Variants in DLC1 observed in about 807,000 individuals in gnomAD.
The protein encoded by DLC1 is rho GTPase-activating protein 7.
In DLC1, 54 loss-of-function variants were observed where a neutral mutation model predicts 140.3. The ratio of observed to expected loss-of-function variants is 0.38; its 90% CI spans 0.31 to 0.48. The LOEUF (loss-of-function observed/expected upper bound fraction) is 0.48, where lower values mean the gene tolerates loss of function less well. DLC1 is among the 20% of genes least tolerant of loss of function. DLC1 has a pLI of 0.96. For synonymous variants in DLC1, 986 were observed against 728.1 expected, an observed-to-expected ratio of 1.35 and a Z score of -5.70; for missense variants, 2,536 against 1,907.0, an observed-to-expected ratio of 1.33 and a Z score of -6.14.
rs568339483 is a variant in DLC1 at position 13,417,675 on chromosome 8, C to G, written c.1024-16056G>C. 1.9e-3 allele frequency among the ~76,000 whole-genome samples: 287 copies of G among 152,190 alleles called. 1 individual carries two copies. Among genetic ancestry groups the G allele is most frequent in the African/African-American group, 6.6e-3 (272 of 41,510 alleles). ...GAATAGTGCCGCAATAAACATACGT[C>G]TGCATGTGTCTTTATAGCAGCATGA... On this transcript the variant is annotated intron_variant, in intron 2 of 17. Transcript: ENST00000276297.
intron 1 of DLC1, among the ~76,000 whole-genome samples, chr8:13,589,061 G>A (rs1805427247): frequency 6.6e-6 from 1 of 152,020 alleles, no homozygotes; most frequent in East Asian, 1.9e-4. Flanking sequence ...TGGGTTGCTA[G>A]TGCACAGTGA....
chr8:13,122,076 A>AC (rs1239936177), intron 5 of DLC1, among the ~76,000 whole-genome samples: 1 of 151,568 alleles, frequency 6.6e-6, no homozygotes, highest in Non-Finnish European at 1.5e-5. Context: ...GATAAGCCTC[A>AC]CCCCTCCCTG....
intron 5 of DLC1, among the ~76,000 whole-genome samples, chr8:13,150,101 G>A (rs559023342): frequency 6.6e-6 from 1 of 152,054 alleles, no homozygotes; most frequent in African/African-American, 2.4e-5. Context: ...GCATATATGT[G>A]TGTATGTGCG....
At chr8:13,546,684 G>A (rs575054205) in intron 1 of DLC1, among the ~76,000 whole-genome samples, 1 of 152,122 alleles carries the variant, frequency 6.6e-6, no homozygotes, top group African/African-American at 2.4e-5. Flanking sequence ...CATAGAGAGT[G>A]ATGGTGAAAA....
intron 2 of DLC1, among the ~76,000 whole-genome samples, chr8:13,435,177 C>G (rs1839062902): frequency 6.6e-6 from 1 of 152,052 alleles, no homozygotes; most frequent in Non-Finnish European, 1.5e-5. Context: ...GAATTTGATT[C>G]CAATCCTCAT....
intron 1 of DLC1, among the ~76,000 whole-genome samples, chr8:13,568,650 A>G (rs1383634214): frequency 2.0e-5 from 3 of 152,200 alleles, no homozygotes; most frequent in Non-Finnish European, 4.4e-5. Context: ...GGCTAAGTAG[A>G]GAAAAATAAA....
intron 6 of DLC1, among the ~76,000 whole-genome samples, chr8:13,114,678 GAAT>G (rs762598419): frequency 6.6e-6 from 1 of 152,132 alleles, no homozygotes; most frequent in Non-Finnish European, 1.5e-5. Flanking sequence ...TTAGTATTTA[GAAT>G]AAAAAGAGCC....
chr8:13,250,191 C>G (rs1290659374), intron 5 of DLC1, among the ~76,000 whole-genome samples: 2 of 152,216 alleles, frequency 1.3e-5, no homozygotes, highest in African/African-American at 2.4e-5. Flanking sequence ...CCAAATGACT[C>G]TCCATTCATA....
chr8:13,214,310 A>G, intron 5 of DLC1: 3 of 242,518 alleles, frequency 1.2e-5, no homozygotes, highest in Non-Finnish European at 2.4e-5. Context: ...TAAATGACCA[A>G]TTTAGCATCC....
upstream of DLC1, among the ~76,000 whole-genome samples, chr8:13,519,486 T>A (rs1037213246): frequency 3.3e-5 from 5 of 152,132 alleles, no homozygotes; most frequent in African/African-American, 1.2e-4. Flanking sequence ...AGAAAAACCA[T>A]ATAATTTGTA....
At chr8:13,268,238 T>C (rs1011416609) in intron 5 of DLC1, among the ~76,000 whole-genome samples, 1 of 152,240 alleles carries the variant, frequency 6.6e-6, no homozygotes, top group African/African-American at 2.4e-5. Context: ...TACAACCTTA[T>C]AGCACTTTGG....
chr8:13,211,374 G>A (rs534413172), intron 5 of DLC1, among the ~76,000 whole-genome samples: 1 of 152,246 alleles, frequency 6.6e-6, no homozygotes, highest in East Asian at 1.9e-4. Context: ...ACTTTGCCTA[G>A]GGGTAGCCCT....
At chr8:13,362,018 G>A (rs1022913510) in intron 4 of DLC1, among the ~76,000 whole-genome samples, 1 of 152,188 alleles carries the variant, frequency 6.6e-6, no homozygotes, top group African/African-American at 2.4e-5. Context: ...GAGTCAAAGA[G>A]CAGCCAGACA....
intron 4 of DLC1, among the ~76,000 whole-genome samples, chr8:13,384,662 A>C (rs931861255): frequency 2.6e-5 from 4 of 152,140 alleles, no homozygotes; most frequent in Non-Finnish European, 5.9e-5. Context: ...AAAGTATTGA[A>C]TTTGTTCTAC....
rs536054127 is a variant in DLC1 at position 13,192,828 on chromosome 8, G to A, written c.1349-77171C>T. 4.6e-5 allele frequency among the ~76,000 whole-genome samples: 7 copies of A among 152,312 alleles called. No individual in the cohort carries two copies. The East Asian group carries it at 7.7e-4, about 17-fold the overall frequency. On this transcript the variant is annotated intron_variant, in intron 5 of 17. Transcript: ENST00000276297. ...AGGGCAAAGCAGAGAGAAGGTGGTC[G>A]TCGGCAAGCAAAGGAGAGAGGCCTC...
At chr8:13,555,397 TC>T (rs2117367763) in intron 1 of DLC1, among the ~76,000 whole-genome samples, 1 of 152,312 alleles carries the variant, frequency 6.6e-6, no homozygotes, top group East Asian at 1.9e-4. Context: ...CATAGCAACT[TC>T]AGGATAATGG....
chr8:13,276,166 C>A, intron 5 of DLC1: 1 of 1,466,404 alleles, frequency 6.8e-7, no homozygotes, highest in South Asian at 1.3e-5. Flanking sequence ...CTGATGAGAT[C>A]ATTCATGAAC....
At chr8:13,501,785 C>G (rs918784269) in intron 1 of DLC1, among the ~76,000 whole-genome samples, 13 of 152,180 alleles carry the variant, frequency 8.5e-5, no homozygotes, top group Admixed American at 6.5e-5. Flanking sequence ...TTGACGTTCA[C>G]TCTGCACTCA....
At chr8:13,413,082 T>C (rs1387898212) in intron 2 of DLC1, among the ~76,000 whole-genome samples, 4 of 152,066 alleles carry the variant, frequency 2.6e-5, no homozygotes, top group South Asian at 2.1e-4. Context: ...TGCCCAACAG[T>C]ACTTGGGACC....
Sources: allele counts gnomAD v4.1 joint callset (sites outside exome capture counted in the v4.1 genomes callset), GRCh38; gene constraint gnomAD v4.1.1; transcripts MANE v1.5; gene names NCBI Gene and HGNC (gene_info 2026-07-23, HGNC 2026-07-21).